Variants in CDC73 observed in about 807,000 individuals in gnomAD.
CDC73 encodes the protein parafibromin.
In CDC73, 21 loss-of-function variants were observed where a neutral mutation model predicts 83.7. The observed-to-expected ratio is 0.25, with a 90% CI of 0.18 to 0.36. CDC73 has a LOEUF of 0.36. Among genes scored for constraint, CDC73 ranks in the 10% least tolerant of loss-of-function variants. The pLI is 1.00. For missense variants in CDC73, 342 were observed against 653.3 expected, an observed-to-expected ratio of 0.52 and a Z score of 5.19; for synonymous variants, 224 against 212.9, an observed-to-expected ratio of 1.05 and a Z score of -0.45.
intron 7 of CDC73, among the ~76,000 whole-genome samples, chr1:193,143,377 A>G (rs1159998093): frequency 6.6e-6 from 1 of 152,210 alleles, no homozygotes; most frequent in Non-Finnish European, 1.5e-5. Context: ...ATTAAAATAA[A>G]AAAATCTCAA....
intron 8 of CDC73, among the ~76,000 whole-genome samples, chr1:193,148,854 A>T (rs1676055195): frequency 6.6e-6 from 1 of 151,524 alleles, no homozygotes; most frequent in African/African-American, 2.4e-5. Context: ...CCTGTTCAAG[A>T]CCAGGCCGGT....
intron 5 of CDC73, among the ~76,000 whole-genome samples, chr1:193,136,972 A>G (rs1675812236): frequency 6.6e-6 from 1 of 151,946 alleles, no homozygotes; most frequent in African/African-American, 2.4e-5. Flanking sequence ...TCAGCAGGAA[A>G]TGGCATAATA....
chr1:193,235,095 T>C (rs1228159381), intron 14 of CDC73, among the ~76,000 whole-genome samples: 2 of 152,122 alleles, frequency 1.3e-5, no homozygotes, highest in Non-Finnish European at 2.9e-5. Context: ...TCTGCAGACC[T>C]CAGGTCATTC....
intron 11 of CDC73, among the ~76,000 whole-genome samples, chr1:193,206,737 T>G (rs1677195184): frequency 6.6e-6 from 1 of 152,356 alleles, no homozygotes; most frequent in Non-Finnish European, 1.5e-5. Flanking sequence ...CTATTCTCTC[T>G]TTGAGTGAGA....
intron 10 of CDC73, among the ~76,000 whole-genome samples, chr1:193,200,280 A>G (rs1044701060): frequency 1.3e-5 from 2 of 152,164 alleles, no homozygotes; most frequent in Non-Finnish European, 1.5e-5. Flanking sequence ...TATAATGTAT[A>G]TAGTGTGTTC....
intron 6 of CDC73, among the ~76,000 whole-genome samples, chr1:193,138,877 C>A (rs986203246): frequency 2.0e-5 from 3 of 148,920 alleles, no homozygotes; most frequent in African/African-American, 7.4e-5. Flanking sequence ...TGGTTTCAAG[C>A]GATTCTCCTG....
intron 10 of CDC73, among the ~76,000 whole-genome samples, chr1:193,174,607 C>T (rs1386146916): frequency 6.6e-6 from 1 of 152,156 alleles, no homozygotes; most frequent in Non-Finnish European, 1.5e-5. Flanking sequence ...TCAAGTGCCA[C>T]TTGACAATCC....
intron 13 of CDC73, among the ~76,000 whole-genome samples, chr1:193,228,846 A>G (rs1486433125): frequency 6.6e-6 from 1 of 152,214 alleles, no homozygotes; most frequent in Non-Finnish European, 1.5e-5. Context: ...TAAAAAGGCC[A>G]GCCACATGCT....
At chr1:193,136,479 A>G (rs765183510) in intron 5 of CDC73, 7 of 278,418 alleles carry the variant, frequency 2.5e-5, no homozygotes, top group South Asian at 1.4e-4. Context: ...TAAGTACTTT[A>G]TATGTATTAA....
At chr1:193,178,258 G>C (rs1676646653) in intron 10 of CDC73, among the ~76,000 whole-genome samples, 1 of 152,060 alleles carries the variant, frequency 6.6e-6, no homozygotes, top group South Asian at 2.1e-4. Flanking sequence ...TCTGATATCA[G>C]ATTACTATCG....
intron 15 of CDC73, among the ~76,000 whole-genome samples, chr1:193,243,188 C>T (rs999646919): frequency 3.9e-5 from 6 of 152,168 alleles, no homozygotes; most frequent in Admixed American, 3.9e-4. Flanking sequence ...GATCCGCTCT[C>T]CTTGGCCTCC....
intron 10 of CDC73, among the ~76,000 whole-genome samples, chr1:193,202,424 G>A (rs1194238377): frequency 1.3e-5 from 2 of 151,548 alleles, no homozygotes; most frequent in Non-Finnish European, 2.9e-5. Context: ...TACATTTAAA[G>A]TTTTACCTGA....
Position 193,251,087 on chromosome 1 carries a change from A to C in CDC73, c.*375A>C, listed in dbSNP as rs957433561. On this transcript the variant is annotated 3_prime_UTR_variant, in exon 17 of 17. Coordinates refer to ENST00000367435, the MANE Select transcript of CDC73 (RefSeq NM_024529.5). The stretch of plus-strand genomic sequence containing the variant: ...CATTGCTCTATAATTCTTTTTACTG[A>C]AAATACTATGTTATGAATGGTATTA... 3.5e-6 allele frequency: 1 copy of C among 288,768 alleles called. No homozygotes were observed. The highest frequency in any genetic ancestry group is 4.7e-5 in the Admixed American group (1 of 21,378). 17.9% of individuals were successfully genotyped at this position (288,768 alleles called of 1,614,324 possible).
At chr1:193,145,369 C>T (rs1030446252) in intron 7 of CDC73, among the ~76,000 whole-genome samples, 1 of 152,254 alleles carries the variant, frequency 6.6e-6, no homozygotes, top group Non-Finnish European at 1.5e-5. Context: ...TCTCGGTATT[C>T]TTTGACCAAA....
chr1:193,180,715 A>G, intron 10 of CDC73: 2 of 1,614,096 alleles, frequency 1.2e-6, no homozygotes, highest in Non-Finnish European at 1.7e-6. Flanking sequence ...ATATCCTCGC[A>G]TTAGGTAACC....
chr1:193,140,060 T>G (rs1306647243), intron 6 of CDC73, among the ~76,000 whole-genome samples: 1 of 152,242 alleles, frequency 6.6e-6, no homozygotes, highest in Admixed American at 6.5e-5. Context: ...ACCTTGGTCT[T>G]GCTGTAGTCT....
intron 10 of CDC73, among the ~76,000 whole-genome samples, chr1:193,202,393 C>T (rs1040648742): frequency 1.3e-5 from 2 of 151,132 alleles, no homozygotes; most frequent in Middle Eastern, 3.2e-3. Flanking sequence ...TGCTCTCCAC[C>T]TTATGACTCA....
chr1:193,231,126 T>G (rs1677655708), intron 13 of CDC73, among the ~76,000 whole-genome samples: 1 of 152,186 alleles, frequency 6.6e-6, no homozygotes, highest in Non-Finnish European at 1.5e-5. Flanking sequence ...ATCACTCATT[T>G]GTATGTATTT....
At chr1:193,136,933 GT>G (rs1256383452) in intron 5 of CDC73, among the ~76,000 whole-genome samples, 1 of 152,166 alleles carries the variant, frequency 6.6e-6, no homozygotes, top group African/African-American at 2.4e-5. Context: ...AGAAGTCCTA[GT>G]TTCCTGGGAT....
Sources: allele counts gnomAD v4.1 joint callset (sites outside exome capture counted in the v4.1 genomes callset), GRCh38; gene constraint gnomAD v4.1.1; transcripts MANE v1.5; gene names NCBI Gene and HGNC (gene_info 2026-07-23, HGNC 2026-07-21).